Variants in HECW1 observed in about 807,000 individuals in gnomAD.
HECW1 encodes the protein HECT, C2 and WW domain containing E3 ubiquitin protein ligase 1.
A neutral mutation model predicts 182.3 loss-of-function variants in HECW1; 61 were observed. That is an observed-to-expected ratio of 0.33 (90% CI 0.27 to 0.41). The LOEUF (loss-of-function observed/expected upper bound fraction) is 0.41, where lower values mean the gene tolerates loss of function less well. Ranked by LOEUF, HECW1 falls within the 10% of genes least tolerant of loss-of-function variation. The pLI is 1.00. For synonymous variants in HECW1, 859 were observed against 832.6 expected (o/e 1.03, Z -0.55); for missense variants, 1,739 against 2,108.9 (o/e 0.82, Z 3.44).
At chr7:43,473,216 C>G (rs951245769) in intron 16 of HECW1, among the ~76,000 whole-genome samples, 1 of 152,244 alleles carries the variant, frequency 6.6e-6, no homozygotes, top group Non-Finnish European at 1.5e-5. Context: ...CCCCTTCACC[C>G]TCCACCGTGA....
intron 7 of HECW1, among the ~76,000 whole-genome samples, chr7:43,404,607 G>C (rs1427664278): frequency 2.0e-5 from 3 of 152,188 alleles, no homozygotes; most frequent in Non-Finnish European, 4.4e-5. Context: ...TATCGAAAAA[G>C]ACTCATTTAT....
intron 6 of HECW1, among the ~76,000 whole-genome samples, chr7:43,389,530 C>A (rs1020866924): frequency 1.3e-5 from 2 of 152,206 alleles, no homozygotes; most frequent in Admixed American, 6.5e-5. Context: ...ACCCTAAGAA[C>A]CGTCAGGGAA....
intron 16 of HECW1, among the ~76,000 whole-genome samples, chr7:43,474,975 AG>A (rs1237132737): frequency 1.3e-5 from 2 of 152,210 alleles, no homozygotes; most frequent in Non-Finnish European, 2.9e-5. Flanking sequence ...AGGGGCTTCA[AG>A]GAGTAGAAAA....
intron 6 of HECW1, among the ~76,000 whole-genome samples, chr7:43,370,337 A>G (rs1817176494): frequency 6.6e-6 from 1 of 152,182 alleles, no homozygotes; most frequent in African/African-American, 2.4e-5. Flanking sequence ...CCAAAATCCA[A>G]ACACTAACAA....
chr7:43,285,771 G>A (rs1306569255), intron 3 of HECW1, among the ~76,000 whole-genome samples: 1 of 151,956 alleles, frequency 6.6e-6, no homozygotes, highest in Non-Finnish European at 1.5e-5. Flanking sequence ...TCCAGCCTGA[G>A]TGACAGACCC....
intron 13 of HECW1, among the ~76,000 whole-genome samples, chr7:43,461,285 A>C (rs888531931): frequency 6.6e-6 from 1 of 152,216 alleles, no homozygotes; most frequent in Non-Finnish European, 1.5e-5. Context: ...ACACCTGCAC[A>C]GAGACTTTCC....
chr7:43,497,555 A>G (rs17172215), intron 19 of HECW1, among the ~76,000 whole-genome samples: 41,803 of 151,998 alleles, frequency 0.28, 5,816 homozygotes, highest in South Asian at 0.39. Flanking sequence ...TGCAATGTTT[A>G]GGCAGCTCTG....
Position 43,374,799 on chromosome 7 carries a change from A to AAAAAAAAAAC in HECW1, c.555+13820_555+13821insAAAAAAAACA, listed in dbSNP as rs1303274874. ...AAAAAAAAAAAAAAAAAAAAAAAAA[A>AAAAAAAAAAC]ATAGAGAAATATAATAACCAGTGAA... is the stretch of plus-strand genomic sequence containing the variant. On this transcript the variant is annotated intron_variant, in intron 6 of 29. Coordinates refer to ENST00000395891, the MANE Select transcript of HECW1 (RefSeq NM_015052.5). 9.2e-5 allele frequency among the ~76,000 whole-genome samples: 5 copies of AAAAAAAAAAC among 54,074 alleles called. 1 individual carries two copies. The highest frequency in any genetic ancestry group is 5.1e-4 in the African/African-American group (3 of 5,832). 35.5% of individuals were successfully genotyped at this position (54,074 alleles called of 152,430 possible).
chr7:43,285,829 G>T (rs1020301545), intron 3 of HECW1, among the ~76,000 whole-genome samples: 1 of 152,086 alleles, frequency 6.6e-6, no homozygotes, highest in Non-Finnish European at 1.5e-5. Flanking sequence ...AAGAAACTGA[G>T]TGGGCAAAAT....
intron 29 of HECW1, among the ~76,000 whole-genome samples, chr7:43,560,920 A>G (rs2082188015): frequency 6.6e-6 from 1 of 152,212 alleles, no homozygotes; most frequent in African/African-American, 2.4e-5. Flanking sequence ...AAAGGCAGGA[A>G]ATGAACTTTC....
At chr7:43,302,978 A>T (rs1454871742) in intron 3 of HECW1, among the ~76,000 whole-genome samples, 1 of 129,682 alleles carries the variant, frequency 7.7e-6, no homozygotes, top group African/African-American at 3.0e-5. Flanking sequence ...CAGGAATACC[A>T]GTTCTCACCT....
chr7:43,211,126 G>C (rs184822897), intron 2 of HECW1, among the ~76,000 whole-genome samples: 1 of 152,224 alleles, frequency 6.6e-6, no homozygotes, highest in Admixed American at 6.5e-5. Flanking sequence ...CTCATTAGTC[G>C]GGTGTGAGCT....
chr7:43,339,204 A>T (rs971404929), intron 5 of HECW1, among the ~76,000 whole-genome samples: 1 of 152,200 alleles, frequency 6.6e-6, no homozygotes, highest in Admixed American at 6.5e-5. Context: ...ATCTTCTCAA[A>T]AGTTGGCTTT....
intron 8 of HECW1, among the ~76,000 whole-genome samples, chr7:43,422,487 C>G (rs1049341002): frequency 2.0e-5 from 3 of 151,724 alleles, no homozygotes; most frequent in Admixed American, 6.6e-5. Flanking sequence ...CTCAGCCTCC[C>G]GAGTAGCTGA....
chr7:43,246,432 T>C (rs1476918171), intron 3 of HECW1, among the ~76,000 whole-genome samples: 1 of 152,204 alleles, frequency 6.6e-6, no homozygotes, highest in Non-Finnish European at 1.5e-5. Flanking sequence ...AATTTTATGC[T>C]ATAAACACCG....
chr7:43,425,949 C>A (rs940593525), intron 8 of HECW1, among the ~76,000 whole-genome samples: 2 of 152,122 alleles, frequency 1.3e-5, no homozygotes, highest in African/African-American at 4.8e-5. Context: ...TCTACTCCAG[C>A]ACCTTTGAGA....
rs139259150 is a variant in HECW1 at position 43,175,946 on chromosome 7, C to G, written c.-32+61555C>G. Among the ~76,000 whole-genome samples, 10 of 152,322 alleles carry G rather than the reference C, an allele frequency of 6.6e-5. 1 individual carries two copies. The East Asian group carries it at 1.9e-3, about 29-fold the overall frequency. ...TCTTACCCACCAGAGCACATTTCCT[C>G]TTAATGCTCACAGTGCCTAATGGCC... On this transcript the variant is annotated intron_variant, in intron 2 of 29. Coordinates refer to ENST00000395891, the MANE Select transcript of HECW1 (RefSeq NM_015052.5).
chr7:43,396,838 G>A lies in HECW1; in HGVS notation c.580G>A (p.Glu194Lys). 1 of 1,612,834 alleles carries A rather than the reference G, an allele frequency of 6.2e-7. No individual in the cohort carries two copies. Among genetic ancestry groups the A allele is most frequent in the South Asian group, 1.1e-5 (1 of 91,024 alleles). ...APIFKSIGAD[E>K]TVQGQGSRRL... The stretch of plus-strand genomic sequence containing the variant: ...GATTTTTAAAAGCATTGGTGCTGAT[G>A]AGACCGTCCAAGGACAAGGAAGTCG... Residue 194 changes from glutamate to lysine, a missense_variant, in exon 7 of 30, where the codon GAG (glutamate) becomes AAG (lysine). Glu to Lys is a moderately conservative substitution (Grantham distance 56). Coordinates refer to ENST00000395891, the MANE Select transcript of HECW1 (RefSeq NM_015052.5).
chr7:43,290,685 G>C (rs1805288424), intron 3 of HECW1, among the ~76,000 whole-genome samples: 1 of 152,174 alleles, frequency 6.6e-6, no homozygotes, highest in Non-Finnish European at 1.5e-5. Flanking sequence ...AGCTTGACAG[G>C]GACGTCATAA....
Sources: gnomAD v4.1 joint callset for allele counts (sites outside exome capture counted in the v4.1 genomes callset) on GRCh38, gnomAD v4.1.1 for gene constraint, MANE v1.5 for transcripts, NCBI Gene and HGNC (gene_info 2026-07-23, HGNC 2026-07-21) for gene names.